Variants in PARP12 observed in about 807,000 individuals in gnomAD.
The protein encoded by PARP12 is poly(ADP-ribose) polymerase family member 12.
In PARP12, 59 loss-of-function variants were observed where a neutral mutation model predicts 72.4. That is an observed-to-expected ratio of 0.81 (90% CI 0.66 to 1.01). The LOEUF (loss-of-function observed/expected upper bound fraction) is 1.01, where lower values mean the gene tolerates loss of function less well. PARP12 is among the 50% of genes least tolerant of loss of function. PARP12 has a pLI of 0.00. For synonymous variants in PARP12, 403 were observed against 371.4 expected (o/e 1.09, Z -0.98); for missense variants, 851 against 914.0 (o/e 0.93, Z 0.89).
intron 2 of PARP12, chr7:140,057,480 A>AT: frequency 2.5e-6 from 1 of 399,792 alleles, no homozygotes; most frequent in Non-Finnish European, 4.5e-6. Context: ...CAATCTACCT[A>AT]TACTCTTCCC....
chr7:140,057,139 G>A lies in PARP12; in HGVS notation c.477C>T (p.Tyr159=), dbSNP rs201912470. The A allele has an allele frequency of 5.6e-6, 9 of 1,612,564 alleles. No individual in the cohort carries two copies. In the East Asian group the frequency reaches 1.8e-4, roughly 32 times the overall value. Residue 159 remains tyrosine (Y), a synonymous_variant, in exon 3 of 12, where the codon TAC becomes TAT. Coordinates refer to ENST00000263549, the MANE Select transcript of PARP12 (RefSeq NM_022750.4). ...AGCCGTGGGGTCCATCTCCTTTGTT[G>A]TAATGTTGGCAAATCTGTTGACAGA... ...PWLLPEICQH[Y]NKGDGPHGSC... is the part of the protein sequence containing the mutation.
At chr7:140,051,861 T>C (rs62490145) in intron 4 of PARP12, among the ~76,000 whole-genome samples, 10,618 of 152,308 alleles carry the variant, frequency 0.07, 482 homozygotes, top group Non-Finnish European at 0.1. Flanking sequence ...TGAAGCTTTC[T>C]GGGCATTTTT....
At chr7:140,033,165 T>C in intron 8 of PARP12, 1 of 983,798 alleles carries the variant, frequency 1.0e-6, no homozygotes, top group Non-Finnish European at 1.2e-6. Flanking sequence ...ACTGTTGGGA[T>C]TACAGGTGTG....
intron 5 of PARP12, among the ~76,000 whole-genome samples, chr7:140,042,469 GA>G (rs1816518708): frequency 6.6e-6 from 1 of 152,256 alleles, no homozygotes; most frequent in Non-Finnish European, 1.5e-5. Context: ...CTGGAGAGCG[GA>G]GAGGAGGGCG....
At chr7:140,045,046 T>G (rs558685843) in intron 5 of PARP12, among the ~76,000 whole-genome samples, 118 of 151,016 alleles carry the variant, frequency 7.8e-4, no homozygotes, top group Middle Eastern at 3.4e-3. Flanking sequence ...TTTTTTTTAA[T>G]AGAGACAAGA....
chr7:140,037,413 G>C (rs1164002065), intron 7 of PARP12, among the ~76,000 whole-genome samples: 1 of 152,266 alleles, frequency 6.6e-6, no homozygotes, highest in African/African-American at 2.4e-5. Flanking sequence ...CAGGGACTCA[G>C]GTTAGTCCTC....
At position 140,024,303 on chromosome 7, in the gene PARP12, A is replaced by G. The variant is rs1403380246; in HGVS notation, c.*257T>C. Reference sequence around the variant, plus strand: ...ATAAGCAGCAAAGTCAACAAAGAGTAAAAACTAAAACTTCAACACATTATT... The same window carrying G: ...ATAAGCAGCAAAGTCAACAAAGAGTGAAAACTAAAACTTCAACACATTATT... On this transcript the variant is annotated 3_prime_UTR_variant, in exon 12 of 12. Coordinates refer to ENST00000263549, the MANE Select transcript of PARP12 (RefSeq NM_022750.4). 2.3e-5 allele frequency: 11 copies of G among 487,752 alleles called. No homozygotes were observed. In the East Asian group the frequency reaches 4.3e-4, roughly 19 times the overall value. The allele number at this position is 487,752 out of a possible 1,614,324, so 30.2% of individuals were successfully genotyped here.
intron 9 of PARP12, 109 bp downstream of exon 9, chr7:140,028,504 G>T: frequency 1.0e-6 from 1 of 982,806 alleles, no homozygotes; most frequent in Non-Finnish European, 1.4e-6. Flanking sequence ...GCCCCAATTA[G>T]CCCCAGCCTT....
Position 140,034,284 on chromosome 7 carries a change from G to A in PARP12, c.1372C>T (p.Arg458Cys), listed in dbSNP as rs780673188. Residue 458 changes from arginine to cysteine, a missense_variant, in exon 8 of 12, where the codon CGC (arginine) becomes TGC (cysteine). By Grantham distance (180) the Arg-to-Cys change is radical. Coordinates refer to ENST00000263549, the MANE Select transcript of PARP12 (RefSeq NM_022750.4). ...LVYGTTKKVC[R>C]RPKYVSPQDV... The stretch of plus-strand genomic sequence containing the variant: ...TGGGGAGACACGTATTTGGGTCTGC[G>A]GCAAACCTTTTTAGTTGTGCCATAG... 1.7e-5 allele frequency: 28 copies of A among 1,613,086 alleles called. No individual in the cohort carries two copies. The highest frequency in any genetic ancestry group is 2.2e-5 in the Non-Finnish European group (26 of 1,179,480).
intron 5 of PARP12, among the ~76,000 whole-genome samples, chr7:140,042,195 G>A (rs765627360): frequency 2.6e-5 from 4 of 152,344 alleles, no homozygotes; most frequent in Non-Finnish European, 5.9e-5. Flanking sequence ...TACTGTGTGA[G>A]CCAGACCCTG....
At position 140,024,501 on chromosome 7, in the gene PARP12, A is replaced by T. The variant is rs1218415073; in HGVS notation, c.*59T>A. On this transcript the variant is annotated 3_prime_UTR_variant, in exon 12 of 12. Coordinates refer to ENST00000263549, the MANE Select transcript of PARP12 (RefSeq NM_022750.4). Reference sequence around the variant, plus strand: ...AGTTTCTGTTTAAAAAGAAAAGGAAAGGCCCAAATAGCCATTTCAAGGCAG... The same window carrying T: ...AGTTTCTGTTTAAAAAGAAAAGGAATGGCCCAAATAGCCATTTCAAGGCAG... The T allele has an allele frequency of 6.5e-7, 1 of 1,546,130 alleles. No individual in the cohort carries two copies. Among genetic ancestry groups the T allele is most frequent in the Admixed American group, 1.7e-5 (1 of 58,268 alleles).
intron 11 of PARP12, chr7:140,025,395 T>C: frequency 3.2e-6 from 1 of 309,356 alleles, no homozygotes; most frequent in East Asian, 8.1e-5. Context: ...CACTGGCTGC[T>C]GTCCATCTTG....
Position 140,024,510 on chromosome 7 carries a change from T to C in PARP12, c.*50A>G, listed in dbSNP as rs1294816767. 19 of 1,579,310 alleles carry C rather than the reference T, an allele frequency of 1.2e-5. No individual in the cohort carries two copies. Among genetic ancestry groups the C allele is most frequent in the Non-Finnish European group, 1.4e-5 (16 of 1,150,704 alleles). On this transcript the variant is annotated 3_prime_UTR_variant, in exon 12 of 12. Coordinates refer to ENST00000263549, the MANE Select transcript of PARP12 (RefSeq NM_022750.4). ...TTAAAAAGAAAAGGAAAGGCCCAAA[T>C]AGCCATTTCAAGGCAGAGCAGGTGA...
Position 140,041,807 on chromosome 7 carries a change from T to A in PARP12, c.1019A>T (p.His340Leu). 6.2e-7 allele frequency: 1 copy of A among 1,613,710 alleles called. No individual in the cohort carries two copies. The highest frequency in any genetic ancestry group is 8.5e-7 in the Non-Finnish European group (1 of 1,179,912). ...ILCSESASTF[H>L]SHCLNFNAMT... ...GGCGTTAAAGTTCAGACAATGAGAG[T>A]GAAAGGTACTGGCTGACTCAGAGCA... is the stretch of plus-strand genomic sequence containing the variant. The change falls in exon 6 of 12, where the codon CAC becomes CTC. Residue 340 changes from histidine (H) to leucine (L), a missense_variant. His to Leu is a moderately conservative substitution (Grantham distance 99, BLOSUM62 -3). Transcript: ENST00000263549.
At chr7:140,044,737 T>C (rs1255158915) in intron 5 of PARP12, among the ~76,000 whole-genome samples, 3 of 152,186 alleles carry the variant, frequency 2.0e-5, no homozygotes, top group Non-Finnish European at 2.9e-5. Context: ...TTTGAAGAAC[T>C]GAGGGAAAAT....
chr7:140,049,918 T>G (rs192779803), intron 4 of PARP12, among the ~76,000 whole-genome samples: 51 of 152,250 alleles, frequency 3.3e-4, no homozygotes, highest in Admixed American at 1.7e-3. Context: ...CTACCTCACG[T>G]TGGCATTCCA....
intron 11 of PARP12, 50 bp downstream of exon 11, chr7:140,026,147 C>T: frequency 6.2e-7 from 1 of 1,613,732 alleles, no homozygotes; most frequent in South Asian, 1.1e-5. Flanking sequence ...TGTTCCTATG[C>T]AGGGGCAAAG....
At position 140,024,259 on chromosome 7, in the gene PARP12, A is replaced by G. The variant is rs898396651; in HGVS notation, c.*301T>C. The G allele has an allele frequency of 5.0e-6, 2 of 396,294 alleles. No homozygotes were observed. Among genetic ancestry groups the G allele is most frequent in the Non-Finnish European group, 9.5e-6 (2 of 210,628 alleles). 24.5% of individuals were successfully genotyped at this position (396,294 alleles called of 1,614,324 possible). ...ACCAATCCATAAAATTGTATCTAGA[A>G]ACTCTGTCCCTGGTGCCAATAAGCA... is the stretch of plus-strand genomic sequence containing the variant. On this transcript the variant is annotated 3_prime_UTR_variant, in exon 12 of 12. Coordinates refer to ENST00000263549, the MANE Select transcript of PARP12 (RefSeq NM_022750.4).
intron 6 of PARP12, among the ~76,000 whole-genome samples, chr7:140,040,454 G>A (rs1251627807): frequency 6.6e-6 from 1 of 152,166 alleles, no homozygotes; most frequent in South Asian, 2.1e-4. Context: ...CAAGGCCATC[G>A]CTGAGAGTGA....
Sources: allele counts gnomAD v4.1 joint callset (sites outside exome capture counted in the v4.1 genomes callset), GRCh38; gene constraint gnomAD v4.1.1; transcripts MANE v1.5; gene names NCBI Gene and HGNC (gene_info 2026-07-23, HGNC 2026-07-21).